The following MIGA1 variants were observed in gnomAD, a reference collection of about 807,000 sequenced individuals.
MIGA1 encodes mitoguardin 1.
Under a neutral mutation model 82.0 loss-of-function variants are expected in MIGA1, and 58 were observed. That is an observed-to-expected ratio of 0.71 (90% CI 0.57 to 0.88). MIGA1 has a LOEUF of 0.88. Among genes scored for constraint, MIGA1 ranks in the 40% least tolerant of loss-of-function variants. MIGA1 has a pLI of 0.00. For missense variants in MIGA1, 751 were observed against 749.1 expected, an observed-to-expected ratio of 1.00 and a Z score of -0.03; for synonymous variants, 249 against 253.6, an observed-to-expected ratio of 0.98 and a Z score of 0.17.
chr1:77,781,558 T>G (rs1158588769), intron 1 of MIGA1, among the ~76,000 whole-genome samples: 1 of 152,206 alleles, frequency 6.6e-6, no homozygotes, highest in Non-Finnish European at 1.5e-5. Flanking sequence ...AAGCAGTCAT[T>G]CTTTGCCCAG....
chr1:77,786,549 G>T (rs1682171819), intron 2 of MIGA1, among the ~76,000 whole-genome samples: 1 of 152,162 alleles, frequency 6.6e-6, no homozygotes, highest in African/African-American at 2.4e-5. Context: ...TTGCTGCTTA[G>T]AGGTTTCTTC....
chr1:77,795,868 A>C (rs1181222902), intron 2 of MIGA1, among the ~76,000 whole-genome samples: 2 of 151,592 alleles, frequency 1.3e-5, no homozygotes, highest in Non-Finnish European at 2.9e-5. Flanking sequence ...TCCTGACCTC[A>C]AGCTATCCAC....
intron 8 of MIGA1, chr1:77,848,170 A>G (rs762065795): frequency 5.0e-5 from 71 of 1,422,734 alleles, no homozygotes; most frequent in Non-Finnish European, 6.8e-5. Flanking sequence ...TCTCATAGGC[A>G]CAGGAGACCA....
intron 7 of MIGA1, among the ~76,000 whole-genome samples, chr1:77,836,758 T>A (rs935418094): frequency 6.6e-6 from 1 of 152,174 alleles, no homozygotes; most frequent in African/African-American, 2.4e-5. Context: ...GTATGACAAG[T>A]GGGGATATGG....
chr1:77,832,841 T>C (rs1684290824), intron 7 of MIGA1, among the ~76,000 whole-genome samples: 1 of 152,220 alleles, frequency 6.6e-6, no homozygotes, highest in Non-Finnish European at 1.5e-5. Flanking sequence ...AGTCTGGAAG[T>C]GTGGCTGGCA....
rs761682751 is a variant in MIGA1, at chr1:77,866,378, G to A, written c.1550G>A (p.Arg517Lys). The A allele has an allele frequency of 3.1e-6, 5 of 1,614,016 alleles. No homozygotes were observed. The East Asian group carries it at 1.1e-4, about 36-fold the overall frequency. ...TGTTGGTCGGTGCTGAAACAGAAAAGACAACAGATGAAGGTAAAATTCGTT... is the reference window on the plus strand; with the variant it reads ...TGTTGGTCGGTGCTGAAACAGAAAAAACAACAGATGAAGGTAAAATTCGTT... Residue 517 changes from arginine (R) to lysine (K), a missense_variant, in exon 14 of 16, where the codon AGA (arginine) becomes AAA (lysine). Arg to Lys is a conservative substitution (Grantham distance 26). Coordinates refer to ENST00000370791, the MANE Select transcript of MIGA1 (RefSeq NM_198549.4).
intron 8 of MIGA1, among the ~76,000 whole-genome samples, chr1:77,844,137 TAGATAG>T (rs1228182270): frequency 0.076 from 7,085 of 92,852 alleles, 458 homozygotes; most frequent in East Asian, 0.28. Flanking sequence ...TATATATATA[TAGATAG>T]ATAGATAGAT....
intron 7 of MIGA1, among the ~76,000 whole-genome samples, chr1:77,818,076 C>A (rs1683641916): frequency 6.6e-6 from 1 of 151,558 alleles, no homozygotes; most frequent in Admixed American, 6.6e-5. Flanking sequence ...TCACCCCACC[C>A]TCCTGAGTAG....
chr1:77,865,311 C>T (rs1685621631), intron 13 of MIGA1, among the ~76,000 whole-genome samples: 1 of 152,046 alleles, frequency 6.6e-6, no homozygotes, highest in East Asian at 1.9e-4. Flanking sequence ...TTACTTTAGG[C>T]CAGGTACAGT....
intron 2 of MIGA1, among the ~76,000 whole-genome samples, chr1:77,788,093 C>T (rs1682251796): frequency 1.3e-5 from 2 of 152,200 alleles, no homozygotes; most frequent in Non-Finnish European, 2.9e-5. Context: ...ACCTCCGCCT[C>T]CTGGGTTCAA....
At chr1:77,844,113 A>AAAAAATATATATAT (rs1296124524) in intron 8 of MIGA1, among the ~76,000 whole-genome samples, 3 of 90,156 alleles carry the variant, frequency 3.3e-5, no homozygotes, top group South Asian at 4.3e-4. Flanking sequence ...AAAAAAAAAA[A>AAAAAATATATATAT]ATATATATAT....
chr1:77,807,403 A>G (rs1370433671), intron 5 of MIGA1, among the ~76,000 whole-genome samples: 1 of 152,160 alleles, frequency 6.6e-6, no homozygotes, highest in Non-Finnish European at 1.5e-5. Flanking sequence ...AGCTCAAGCA[A>G]TCTGCCCGCC....
intron 5 of MIGA1, 95 bp from the exon 6 acceptor site, chr1:77,813,639 C>A: frequency 7.8e-7 from 1 of 1,282,454 alleles, no homozygotes; most frequent in Non-Finnish European, 1.1e-6. Context: ...TAGACTGTGA[C>A]ATCAGTGATA....
At chr1:77,839,652 C>T (rs1208361448) in intron 7 of MIGA1, among the ~76,000 whole-genome samples, 4 of 152,004 alleles carry the variant, frequency 2.6e-5, no homozygotes, top group East Asian at 1.9e-4. Flanking sequence ...AGATTACAGA[C>T]GTGAGCCATT....
At chr1:77,848,250 G>A (rs1684917813) in intron 8 of MIGA1, 1 of 1,390,328 alleles carries the variant, frequency 7.2e-7, no homozygotes, top group African/African-American at 1.4e-5. Flanking sequence ...CAAAGAGAAA[G>A]AAGTGACAGA....
chr1:77,827,093 C>A (rs966460770), intron 7 of MIGA1, among the ~76,000 whole-genome samples: 4 of 151,746 alleles, frequency 2.6e-5, no homozygotes, highest in Admixed American at 2.6e-4. Context: ...AGGCATGAGC[C>A]ACTGCACCTG....
intron 14 of MIGA1, among the ~76,000 whole-genome samples, chr1:77,869,602 C>T (rs1182253492): frequency 2.1e-5 from 3 of 142,242 alleles, no homozygotes; most frequent in East Asian, 4.5e-4. Context: ...CCGGACGAGG[C>T]GGCTGGCCAG....
At chr1:77,827,558 G>A (rs910946776) in intron 7 of MIGA1, among the ~76,000 whole-genome samples, 3 of 152,132 alleles carry the variant, frequency 2.0e-5, no homozygotes, top group Non-Finnish European at 2.9e-5. Flanking sequence ...AGCCAGCTGC[G>A]TAGAGATTCC....
rs758619766 is a variant in MIGA1 at position 77,860,078 on chromosome 1, T to C, written c.1227T>C (p.Ala409=). 1.6e-5 allele frequency: 26 copies of C among 1,612,264 alleles called. No homozygotes were observed. The South Asian group carries it at 2.3e-4, about 14-fold the overall frequency. The change falls in exon 11 of 16, where the codon GCT becomes GCC. Residue 409 remains alanine, a synonymous_variant. Transcript: ENST00000370791. ...AATCAGCTAACAGGATATTCCTCGC[T>C]GAGAGCGGAAGGAAAATTTTATCAG...
Sources: gnomAD v4.1 joint callset for allele counts (sites outside exome capture counted in the v4.1 genomes callset) on GRCh38, gnomAD v4.1.1 for gene constraint, MANE v1.5 for transcripts, NCBI Gene and HGNC (gene_info 2026-07-23, HGNC 2026-07-21) for gene names.